POGZ: variants seen among roughly 807,000 people sequenced by gnomAD.
The protein encoded by POGZ is pogo transposable element with ZNF domain.
A neutral mutation model predicts 134.6 loss-of-function variants in POGZ; 17 were observed. That is an observed-to-expected ratio of 0.13 (90% CI 0.09 to 0.19). The LOEUF (loss-of-function observed/expected upper bound fraction) is 0.19. Ranked by LOEUF, POGZ falls within the 10% of genes least tolerant of loss-of-function variation. The pLI is 1.00. For missense variants in POGZ, 1,306 were observed against 1,769.7 expected, an observed-to-expected ratio of 0.74 and a Z score of 4.70; for synonymous variants, 693 against 657.1, an observed-to-expected ratio of 1.05 and a Z score of -0.84.
rs1397814559 is a variant in POGZ, at chr1:151,427,851, T to A, written c.1050A>T (p.Arg350Ser). The A allele has an allele frequency of 6.2e-7, 1 of 1,613,898 alleles. No individual in the cohort carries two copies. The highest frequency in any genetic ancestry group is 1.7e-5 in the Admixed American group (1 of 60,020). ...TCATTGAAGACTCAGGTCCGCTGGT[T>A]CTTTGAGAGCCATGAGCAGAGCTGT... is the stretch of plus-strand genomic sequence containing the variant. ...SNNSSAHGSQ[R>S]TSGPESSMKV... is the part of the protein sequence containing the mutation. The change falls in exon 7 of 19, where the codon AGA becomes AGT. Residue 350 changes from arginine to serine, a missense_variant. Physicochemically the swap from Arg to Ser is moderately radical, Grantham distance 110 (BLOSUM62 -1). Around this residue, in one of 10 missense-constraint regions of POGZ, gnomAD observed 541 missense variants for 680.5 expected, o/e 0.80. Transcript: ENST00000271715.
rs761004422 is a variant in POGZ, at chr1:151,412,256, G to A, written c.1779+40C>T. The A allele has an allele frequency of 2.8e-6, 3 of 1,078,512 alleles. No individual in the cohort carries two copies. In the African/African-American group the frequency reaches 4.7e-5, roughly 17 times the overall value. 66.8% of individuals were successfully genotyped at this position (1,078,512 alleles called of 1,614,324 possible). On this transcript the variant is annotated intron_variant, in intron 11 of 18. Transcript: ENST00000271715. ...AGTAAATTCTTTGTATTCTTCCTGA[G>A]GGCAAAACTGCTAAAACTCCCTGGA...
Position 151,405,798 on chromosome 1 carries a change from G to A in POGZ, c.3237C>T (p.His1079=), listed in dbSNP as rs149003420. The A allele has an allele frequency of 8.7e-3, 13,989 of 1,614,162 alleles. 75 individuals are homozygous for A. The highest frequency in any genetic ancestry group is 0.011 in the Non-Finnish European group (12,725 of 1,180,020). ...CTCGCCGGGCATGGGGAGTCAGGTG[G>A]TGCCGCAGCATGAAACGCACAGCCC... is the stretch of plus-strand genomic sequence containing the variant. ...YEWAVRFMLR[H]HLTPHARRAV... The change falls in exon 19 of 19, where the codon CAC becomes CAT. Residue 1079 remains histidine, a synonymous_variant. Coordinates refer to ENST00000271715, the MANE Select transcript of POGZ (RefSeq NM_015100.4). The surrounding 1 kb of genome is among the most constrained non-coding windows in gnomAD (Gnocchi z 4.9).
chr1:151,443,881 T>C (rs954653440), intron 1 of POGZ, among the ~76,000 whole-genome samples: 7 of 152,200 alleles, frequency 4.6e-5, no homozygotes, highest in Non-Finnish European at 8.8e-5. Context: ...AAGCCTTTAC[T>C]GTAAGGCTCT....
chr1:151,417,340 G>A (rs1448081362), intron 10 of POGZ, among the ~76,000 whole-genome samples: 2 of 151,004 alleles, frequency 1.3e-5, no homozygotes, highest in African/African-American at 4.9e-5. Context: ...GGGATTACAT[G>A]CATGAGGCTC....
At position 151,411,613 on chromosome 1, in the gene POGZ, G is replaced by A. The variant is rs1654689003; in HGVS notation, c.1926+12C>T. On this transcript the variant is annotated intron_variant, in intron 12 of 18. Coordinates refer to ENST00000271715, the MANE Select transcript of POGZ (RefSeq NM_015100.4). ...AAACAAGAGAATATGGGAATTGCTT[G>A]GTGCCTAGTACCTGGTGCCTCATGT... The A allele has an allele frequency of 6.4e-7, 1 of 1,567,712 alleles. No homozygotes were observed. Among genetic ancestry groups the A allele is most frequent in the Admixed American group, 1.9e-5 (1 of 52,966 alleles).
At chr1:151,451,549 C>A (rs926498060) in intron 1 of POGZ, among the ~76,000 whole-genome samples, 6 of 151,618 alleles carry the variant, frequency 4.0e-5, no homozygotes, top group African/African-American at 1.4e-4. Context: ...TGGTCTTCAA[C>A]TCCTGACCTC....
chr1:151,415,431 C>T (rs1236848428), intron 10 of POGZ, among the ~76,000 whole-genome samples: 2 of 150,824 alleles, frequency 1.3e-5, no homozygotes, highest in South Asian at 2.1e-4. Flanking sequence ...TTTGGGAGGC[C>T]GAGGCCGGTG....
intron 10 of POGZ, among the ~76,000 whole-genome samples, chr1:151,416,229 A>AAAAAAAG (rs1655644655): frequency 6.7e-6 from 1 of 148,934 alleles, no homozygotes; most frequent in Non-Finnish European, 1.5e-5. Context: ...AAAAAAAAAA[A>AAAAAAAG]AAAAAAGAAA....
intron 1 of POGZ, among the ~76,000 whole-genome samples, chr1:151,449,253 G>C (rs545299929): frequency 1.3e-5 from 2 of 152,220 alleles, no homozygotes; most frequent in East Asian, 1.9e-4. Flanking sequence ...GTTCATAAAA[G>C]GCATAAATAA....
At chr1:151,424,373 G>T in intron 8 of POGZ, 87 bp from the exon 9 acceptor site, 2 of 856,358 alleles carry the variant, frequency 2.3e-6, no homozygotes, top group African/African-American at 1.7e-5. Flanking sequence ...CCTTGTTAAC[G>T]GTTTGGTTTC....
At position 151,403,206 on chromosome 1, in the gene POGZ, A is replaced by G; in HGVS notation, c.*1596T>C. 1.0e-6 allele frequency: 1 copy of G among 984,788 alleles called. No individual in the cohort carries two copies. The highest frequency in any genetic ancestry group is 1.2e-6 in the Non-Finnish European group (1 of 829,058). The allele number at this position is 984,788 out of a possible 1,614,324, so 61.0% of individuals were successfully genotyped here. ...TATTATAGTGTGCTGGGGGATGAAA[A>G]AACAAACAAACAAAAAAGCAGGGTG... On this transcript the variant is annotated 3_prime_UTR_variant, in exon 19 of 19. Transcript: ENST00000271715.
rs1406696022 is a variant in POGZ, at chr1:151,402,767, AAAAC to A, written c.*2031_*2034del. ...GTTTATTGATTAAACTGAATTATAA[AAAAC>A]AAAACCAAAAAAAAATTTCCTTCTA... On this transcript the variant is annotated 3_prime_UTR_variant, in exon 19 of 19. Coordinates refer to ENST00000271715, the MANE Select transcript of POGZ (RefSeq NM_015100.4). 2.0e-5 allele frequency: 3 copies of A among 152,366 alleles called. No individual in the cohort carries two copies. Among genetic ancestry groups the A allele is most frequent in the East Asian group, 1.9e-4 (1 of 5,186 alleles). 9.4% of individuals were successfully genotyped at this position (152,366 alleles called of 1,614,324 possible). A position where few individuals can be genotyped will look rare whatever the true frequency, so the allele number is the denominator to read the frequency against.
chr1:151,435,347 A>G (rs1188291090), intron 3 of POGZ, among the ~76,000 whole-genome samples: 1 of 152,228 alleles, frequency 6.6e-6, no homozygotes, highest in Non-Finnish European at 1.5e-5. Context: ...GAATTAAGCA[A>G]TAGTTTATTT....
intron 1 of POGZ, among the ~76,000 whole-genome samples, chr1:151,450,631 G>A (rs1661931136): frequency 6.6e-6 from 1 of 152,122 alleles, no homozygotes; most frequent in Non-Finnish European, 1.5e-5. Flanking sequence ...GGGTTTTACA[G>A]GCATGAGCAG....
chr1:151,426,799 GT>G (rs1657864752), intron 7 of POGZ: 1 of 152,122 alleles, frequency 6.6e-6, no homozygotes, highest in Non-Finnish European at 1.5e-5. Context: ...GAGTCTTATA[GT>G]TTTAGTTCAT....
chr1:151,442,060 G>C, intron 2 of POGZ, 21 bp downstream of exon 2: 2 of 1,556,256 alleles, frequency 1.3e-6, no homozygotes, highest in Non-Finnish European at 1.8e-6. Context: ...AACCATCTAA[G>C]ATCAGAAGAG....
chr1:151,455,912 T>C (rs1391960646), intron 1 of POGZ, among the ~76,000 whole-genome samples: 1 of 149,634 alleles, frequency 6.7e-6, no homozygotes, highest in Non-Finnish European at 1.5e-5. Context: ...TTTTTTTTTT[T>C]TTTTTTAATA....
At chr1:151,412,573 T>C (rs975486173) in intron 10 of POGZ, among the ~76,000 whole-genome samples, 177 bp from the exon 11 acceptor site, 2 of 152,214 alleles carry the variant, frequency 1.3e-5, no homozygotes, top group African/African-American at 2.4e-5. Context: ...GCTGATAATC[T>C]TATGTACGTA....
chr1:151,428,205 G>A lies in POGZ; in HGVS notation c.777C>T (p.Pro259=). The stretch of plus-strand genomic sequence containing the variant: ...CCAGTGAGGTTGGCTGTGTGGCAGT[G>A]GGAGTGGTAGAAGTGCTGGGAGTGG... ...TKSTPSTSTT[P]TATQPTSLGQ... is the part of the protein sequence containing the mutation. Residue 259 remains proline, a synonymous_variant, in exon 6 of 19, where the codon CCC becomes CCT. Coordinates refer to ENST00000271715, the MANE Select transcript of POGZ (RefSeq NM_015100.4). The A allele has an allele frequency of 6.2e-7, 1 of 1,614,148 alleles. No homozygotes were observed. The highest frequency in any genetic ancestry group is 8.5e-7 in the Non-Finnish European group (1 of 1,180,002).
Sources: gnomAD v4.1 joint callset for allele counts (sites outside exome capture counted in the v4.1 genomes callset) on GRCh38, gnomAD v4.1.1 for gene constraint, gnomAD v4.1.1 regional missense constraint, Gnocchi (gnomAD v3.1) non-coding constraint, MANE v1.5 for transcripts, NCBI Gene and HGNC (gene_info 2026-07-23, HGNC 2026-07-21) for gene names.